The following USP12 variants were observed in gnomAD, a reference collection of about 807,000 sequenced individuals.
USP12 encodes ubiquitin specific peptidase 12.
Under a neutral mutation model 45.5 loss-of-function variants are expected in USP12, and 19 were observed. That is an observed-to-expected ratio of 0.42 (90% CI 0.29 to 0.61). USP12 has a LOEUF of 0.61. Ranked by LOEUF, USP12 falls within the 20% of genes least tolerant of loss-of-function variation. The pLI is 0.22. For synonymous variants in USP12, 149 were observed against 148.8 expected (o/e 1.00, Z -0.01); for missense variants, 242 against 447.7 (o/e 0.54, Z 4.15).
At chr13:27,132,094 G>T (rs1876530633) in intron 1 of USP12, among the ~76,000 whole-genome samples, 1 of 152,136 alleles carries the variant, frequency 6.6e-6, no homozygotes. Flanking sequence ...TGAAACAAAA[G>T]GAAATAAGCA....
chr13:27,158,716 C>T (rs1205649217), intron 1 of USP12, among the ~76,000 whole-genome samples: 1 of 151,930 alleles, frequency 6.6e-6, no homozygotes, highest in East Asian at 1.9e-4. Flanking sequence ...GTTTCTGGCA[C>T]TTTGTTATGG....
At chr13:27,156,634 ATGG>A (rs1435655511) in intron 1 of USP12, among the ~76,000 whole-genome samples, 2 of 152,202 alleles carry the variant, frequency 1.3e-5, no homozygotes, top group East Asian at 3.9e-4. Context: ...CCTGGCCAAC[ATGG>A]TGAAACCCCA....
intron 1 of USP12, among the ~76,000 whole-genome samples, chr13:27,134,472 C>T (rs570819746): frequency 3.4e-4 from 52 of 152,150 alleles, no homozygotes; most frequent in Middle Eastern, 3.4e-3. Context: ...GCCATGCCCA[C>T]ATAAAAGGTA....
intron 4 of USP12, among the ~76,000 whole-genome samples, chr13:27,090,379 T>C (rs1195551228): frequency 1.3e-5 from 2 of 152,084 alleles, no homozygotes; most frequent in Non-Finnish European, 2.9e-5. Context: ...TTTGACTGAC[T>C]CTCACTGGCA....
At chr13:27,095,068 T>C (rs958348152) in intron 4 of USP12, among the ~76,000 whole-genome samples, 21 of 151,996 alleles carry the variant, frequency 1.4e-4, no homozygotes, top group African/African-American at 4.6e-4. Flanking sequence ...GATGGAAGGA[T>C]TGCTTGAGCC....
Position 27,084,497 on chromosome 13 carries a change from G to GAA in USP12, c.734+5384_734+5385dup, listed in dbSNP as rs397851869. 8.9e-3 allele frequency among the ~76,000 whole-genome samples: 876 copies of GAA among 98,442 alleles called. 12 individuals are homozygous for GAA. Among genetic ancestry groups the GAA allele is most frequent in the African/African-American group, 0.011 (260 of 24,530 alleles). The allele number at this position is 98,442 out of a possible 152,430, so 64.6% of individuals were successfully genotyped here. On this transcript the variant is annotated intron_variant, in intron 6 of 8. Transcript: ENST00000282344. Reference sequence around the variant, plus strand: ...CTCCAGCCTGGAGAGACAGTGAGATGAAAAAAAAAAAAAAAAAAAAGAGTT... The same window carrying GAA: ...CTCCAGCCTGGAGAGACAGTGAGATGAAAAAAAAAAAAAAAAAAAAAAGAGTT...
chr13:27,082,923 C>T (rs1158498313), intron 6 of USP12, among the ~76,000 whole-genome samples: 1 of 152,212 alleles, frequency 6.6e-6, no homozygotes, highest in Admixed American at 6.5e-5. Flanking sequence ...GCAACCTCCG[C>T]CTCCCAGGTT....
intron 2 of USP12, among the ~76,000 whole-genome samples, chr13:27,106,203 C>T (rs1875127963): frequency 6.6e-6 from 1 of 151,948 alleles, no homozygotes; most frequent in Non-Finnish European, 1.5e-5. Context: ...AAACAAGATC[C>T]CCTGAAACGT....
chr13:27,157,885 A>G (rs1877912734), intron 1 of USP12, among the ~76,000 whole-genome samples: 1 of 152,282 alleles, frequency 6.6e-6, no homozygotes, highest in Non-Finnish European at 1.5e-5. Context: ...ATTATTATAC[A>G]CAAAGCTGGT....
chr13:27,108,572 G>T (rs1021587692), intron 2 of USP12, among the ~76,000 whole-genome samples: 3 of 151,818 alleles, frequency 2.0e-5, no homozygotes, highest in Non-Finnish European at 4.4e-5. Context: ...GATTAGCCTG[G>T]GATATCTTAA....
chr13:27,069,664 T>C (rs1873148931), intron 8 of USP12, among the ~76,000 whole-genome samples: 1 of 152,146 alleles, frequency 6.6e-6, no homozygotes, highest in African/African-American at 2.4e-5. Context: ...TGGTAACTTC[T>C]AGGCTGGGCA....
At chr13:27,147,026 A>T (rs998071737) in intron 1 of USP12, among the ~76,000 whole-genome samples, 2 of 152,206 alleles carry the variant, frequency 1.3e-5, no homozygotes, top group Non-Finnish European at 2.9e-5. Flanking sequence ...CCTGGGGCAG[A>T]TCCTTCTCCA....
intron 1 of USP12, among the ~76,000 whole-genome samples, chr13:27,138,845 A>G (rs1303249564): frequency 6.6e-6 from 1 of 152,234 alleles, no homozygotes; most frequent in East Asian, 1.9e-4. Flanking sequence ...GATACAACAG[A>G]GAAACCCATA....
intron 3 of USP12, among the ~76,000 whole-genome samples, chr13:27,105,250 C>G (rs978709857): frequency 6.6e-6 from 1 of 152,174 alleles, no homozygotes; most frequent in Non-Finnish European, 1.5e-5. Flanking sequence ...TCTTTTCTAG[C>G]TCCTTCCCCG....
intron 1 of USP12, among the ~76,000 whole-genome samples, chr13:27,168,676 C>A (rs58373221): frequency 1.3e-5 from 2 of 152,092 alleles, no homozygotes; most frequent in South Asian, 4.1e-4. Context: ...AATGTACTCA[C>A]TGCAATCTAA....
intron 6 of USP12, 127 bp from the exon 7 acceptor site, chr13:27,075,515 G>A: frequency 1.3e-6 from 1 of 790,134 alleles, no homozygotes; most frequent in Non-Finnish European, 2.0e-6. Flanking sequence ...GCAATGCCCA[G>A]TTTTGCACAT....
chr13:27,130,009 A>C (rs1876419660), intron 1 of USP12, among the ~76,000 whole-genome samples: 1 of 152,162 alleles, frequency 6.6e-6, no homozygotes, highest in Non-Finnish European at 1.5e-5. Flanking sequence ...TTAGAACCTA[A>C]TCAGACATTA....
intron 1 of USP12, among the ~76,000 whole-genome samples, chr13:27,141,926 G>C (rs59231507): frequency 6.6e-6 from 1 of 152,068 alleles, no homozygotes; most frequent in Non-Finnish European, 1.5e-5. Flanking sequence ...GCTCATGCCT[G>C]TAATCATGCA....
chr13:27,110,276 T>A (rs1875372976), intron 2 of USP12, among the ~76,000 whole-genome samples: 1 of 152,196 alleles, frequency 6.6e-6, no homozygotes, highest in African/African-American at 2.4e-5. Context: ...AGGTAAATTG[T>A]ATAATCATGT....
Sources: gnomAD v4.1 joint callset for allele counts (sites outside exome capture counted in the v4.1 genomes callset) on GRCh38, gnomAD v4.1.1 for gene constraint, MANE v1.5 for transcripts, NCBI Gene and HGNC (gene_info 2026-07-23, HGNC 2026-07-21) for gene names.